The following RBMS3 variants were observed in gnomAD, a reference collection of about 807,000 sequenced individuals.
RBMS3 encodes RNA-binding motif, single-stranded-interacting protein 3.
A neutral mutation model predicts 66.8 loss-of-function variants in RBMS3; 27 were observed. The observed-to-expected ratio is 0.40, with a 90% CI of 0.30 to 0.56. The LOEUF is 0.56. Ranked by LOEUF, RBMS3 falls within the 20% of genes least tolerant of loss-of-function variation. RBMS3 has a pLI of 0.40. For synonymous variants in RBMS3, 188 were observed against 183.0 expected (o/e 1.03, Z -0.22); for missense variants, 513 against 549.5 (o/e 0.93, Z 0.66).
chr3:29,393,111 C>A (rs747631518), intron 1 of RBMS3, among the ~76,000 whole-genome samples: 10 of 152,126 alleles, frequency 6.6e-5, no homozygotes, highest in Non-Finnish European at 7.4e-5. Context: ...ATGTGCTTAA[C>A]TATTAGCAGA....
intron 4 of RBMS3, among the ~76,000 whole-genome samples, chr3:29,656,587 T>C (rs143825674): frequency 2.4e-4 from 36 of 152,282 alleles, no homozygotes; most frequent in Middle Eastern, 6.8e-3. Flanking sequence ...GTATGCAATA[T>C]AATGTAAAGA....
chr3:29,647,721 G>A (rs575332525), intron 4 of RBMS3, among the ~76,000 whole-genome samples: 10 of 152,144 alleles, frequency 6.6e-5, no homozygotes, highest in African/African-American at 2.2e-4. Flanking sequence ...TAAGATTTGG[G>A]GATTTCATAG....
At chr3:29,934,974 G>A (rs2061228747) in intron 10 of RBMS3, among the ~76,000 whole-genome samples, 1 of 152,058 alleles carries the variant, frequency 6.6e-6, no homozygotes, top group African/African-American at 2.4e-5. Flanking sequence ...ACATGCATCT[G>A]TCCAGTGAGA....
intron 5 of RBMS3, among the ~76,000 whole-genome samples, chr3:29,745,389 C>G (rs1455457043): frequency 1.3e-5 from 2 of 152,102 alleles, no homozygotes; most frequent in African/African-American, 4.8e-5. Flanking sequence ...TACTGCAGAG[C>G]TAGTGAATGC....
intron 4 of RBMS3, among the ~76,000 whole-genome samples, chr3:29,735,916 T>C (rs1453912689): frequency 1.3e-5 from 2 of 152,154 alleles, no homozygotes; most frequent in African/African-American, 4.8e-5. Context: ...CTTAGGTCCA[T>C]TCAGGAGATT....
At chr3:29,707,379 G>A (rs769674800) in intron 4 of RBMS3, among the ~76,000 whole-genome samples, 22 of 152,194 alleles carry the variant, frequency 1.4e-4, no homozygotes, top group Admixed American at 9.8e-4. Context: ...AGAACATGTA[G>A]ATGTAAAATC....
At chr3:29,807,244 CACTA>C (rs1335074509) in intron 6 of RBMS3, among the ~76,000 whole-genome samples, 3 of 152,008 alleles carry the variant, frequency 2.0e-5, no homozygotes, top group East Asian at 3.9e-4. Flanking sequence ...GTCACTGTCT[CACTA>C]ACTAAGCAAC....
chr3:29,512,251 C>CTAAA (rs2044442639), intron 3 of RBMS3, among the ~76,000 whole-genome samples: 1 of 151,792 alleles, frequency 6.6e-6, no homozygotes, highest in Non-Finnish European at 1.5e-5. Flanking sequence ...TAATTTAATT[C>CTAAA]TAAATAAATA....
intron 4 of RBMS3, among the ~76,000 whole-genome samples, chr3:29,666,200 A>G (rs568681509): frequency 6.6e-6 from 1 of 152,300 alleles, no homozygotes; most frequent in Non-Finnish European, 1.5e-5. Context: ...TGACCATCCT[A>G]TGGAAAAATA....
intron 3 of RBMS3, among the ~76,000 whole-genome samples, chr3:29,541,748 G>T (rs2045768339): frequency 6.6e-6 from 1 of 152,268 alleles, no homozygotes; most frequent in Non-Finnish European, 1.5e-5. Flanking sequence ...GCCATGGCTG[G>T]CAAGGTCTTA....
chr3:29,718,020 A>T (rs544366733), intron 4 of RBMS3, among the ~76,000 whole-genome samples: 23 of 152,116 alleles, frequency 1.5e-4, no homozygotes, highest in Non-Finnish European at 2.6e-4. Flanking sequence ...CATAAATGAC[A>T]TTTCTGATTA....
At chr3:29,512,898 A>G (rs2044471079) in intron 3 of RBMS3, among the ~76,000 whole-genome samples, 1 of 152,198 alleles carries the variant, frequency 6.6e-6, no homozygotes, top group Non-Finnish European at 1.5e-5. Flanking sequence ...CCTTAGCTGA[A>G]GGATATATTT....
chr3:29,680,346 C>T (rs2051434654), intron 4 of RBMS3, among the ~76,000 whole-genome samples: 1 of 152,204 alleles, frequency 6.6e-6, no homozygotes, highest in Non-Finnish European at 1.5e-5. Context: ...ATTCTATTCT[C>T]TCTTGCTCTG....
chr3:29,611,484 T>A (rs2048490470), intron 4 of RBMS3, among the ~76,000 whole-genome samples: 1 of 151,938 alleles, frequency 6.6e-6, no homozygotes, highest in African/African-American at 2.4e-5. Context: ...GCTAAATGAC[T>A]GGGTATTTGG....
chr3:29,870,830 AAATAT>A (rs1241951725), intron 7 of RBMS3, among the ~76,000 whole-genome samples: 1 of 152,178 alleles, frequency 6.6e-6, no homozygotes, highest in Non-Finnish European at 1.5e-5. Flanking sequence ...GTGACCAATA[AAATAT>A]ATTTCAAATA....
intron 4 of RBMS3, among the ~76,000 whole-genome samples, chr3:29,627,279 C>T (rs1341950950): frequency 7.2e-6 from 1 of 139,508 alleles, no homozygotes; most frequent in East Asian, 2.0e-4. Context: ...CTCTCTTTCT[C>T]TCTCTCTTCT....
chr3:29,905,079 A>AAGCCAAAC (rs2060344296), intron 10 of RBMS3, among the ~76,000 whole-genome samples: 1 of 152,026 alleles, frequency 6.6e-6, no homozygotes, highest in South Asian at 2.1e-4. Context: ...TTTCCGTAAA[A>AAGCCAAAC]AGCCAAACAG....
chr3:29,709,442 A>G (rs1266863123), intron 4 of RBMS3, among the ~76,000 whole-genome samples: 1 of 152,204 alleles, frequency 6.6e-6, no homozygotes, highest in Non-Finnish European at 1.5e-5. Flanking sequence ...ATTGGAGAAA[A>G]TGAAAAGAGT....
intron 12 of RBMS3, among the ~76,000 whole-genome samples, chr3:29,971,542 G>A (rs1256068886): frequency 1.3e-5 from 2 of 151,796 alleles, no homozygotes; most frequent in Non-Finnish European, 2.9e-5. Flanking sequence ...AAAAAAAGAA[G>A]CCTGCTTTTT....
Sources: allele counts gnomAD v4.1 joint callset (sites outside exome capture counted in the v4.1 genomes callset), GRCh38; gene constraint gnomAD v4.1.1; transcripts MANE v1.5; gene names NCBI Gene and HGNC (gene_info 2026-07-23, HGNC 2026-07-21).